NFATC1: variants seen among roughly 807,000 people sequenced by gnomAD.
NFATC1 encodes the protein nuclear factor of activated T-cells, cytoplasmic 1.
A neutral mutation model predicts 76.0 loss-of-function variants in NFATC1; 22 were observed. The observed-to-expected ratio is 0.29, with a 90% CI of 0.21 to 0.41. The LOEUF (loss-of-function observed/expected upper bound fraction) is 0.41. NFATC1 is among the 10% of genes least tolerant of loss of function. The probability of loss-of-function intolerance (pLI) is 1.00; values close to 1 mark genes in which losing one functional copy is unlikely to be tolerated. For synonymous variants in NFATC1, 704 were observed against 613.1 expected, an observed-to-expected ratio of 1.15 and a Z score of -2.19; for missense variants, 1,357 against 1,337.7, an observed-to-expected ratio of 1.01 and a Z score of -0.23.
At chr18:79,439,680 G>C (rs749917448) in intron 3 of NFATC1, among the ~76,000 whole-genome samples, 4 of 152,228 alleles carry the variant, frequency 2.6e-5, no homozygotes, top group Non-Finnish European at 5.9e-5. Context: ...GGCTGTGTCT[G>C]TTTTCCCAGG....
At chr18:79,475,550 A>G (rs939697522) in intron 8 of NFATC1, among the ~76,000 whole-genome samples, 9 of 150,132 alleles carry the variant, frequency 6.0e-5, no homozygotes, top group African/African-American at 2.2e-4. Context: ...ACCTGAGTGA[A>G]GTGTGTTCTC....
At chr18:79,456,460 C>T (rs1460858010) in intron 6 of NFATC1, among the ~76,000 whole-genome samples, 1 of 152,334 alleles carries the variant, frequency 6.6e-6, no homozygotes, top group Non-Finnish European at 1.5e-5. Context: ...GCGGAAGCCC[C>T]GAGGCCCCTG....
intron 2 of NFATC1, among the ~76,000 whole-genome samples, chr18:79,416,056 C>T (rs750408539): frequency 2.0e-4 from 31 of 152,350 alleles, no homozygotes; most frequent in Non-Finnish European, 4.6e-4. Flanking sequence ...GAGCGAGACT[C>T]CGTCTCCAAA....
chr18:79,473,038 G>A (rs754114036), intron 8 of NFATC1, among the ~76,000 whole-genome samples: 15 of 152,218 alleles, frequency 9.9e-5, no homozygotes, highest in Non-Finnish European at 1.9e-4. Context: ...GGGTCAAGCC[G>A]GGACCCCTAC....
At chr18:79,399,982 TAAA>T (rs201423108) in intron 1 of NFATC1, among the ~76,000 whole-genome samples, 1 of 149,196 alleles carries the variant, frequency 6.7e-6, no homozygotes, top group Non-Finnish European at 1.5e-5. Flanking sequence ...AAAAAAAACT[TAAA>T]AAAAAAATTC....
At chr18:79,408,766 TATGCATCC>T (rs2085528243) in intron 1 of NFATC1, among the ~76,000 whole-genome samples, 1 of 152,082 alleles carries the variant, frequency 6.6e-6, no homozygotes, top group Non-Finnish European at 1.5e-5. Flanking sequence ...CTCCATTCCC[TATGCATCC>T]ATGCATCATC....
rs552409580 is a variant in NFATC1, at chr18:79,502,713, C to G, written c.2782+15776C>G. ...AAGACATAGGAATGGATAATAAACA[C>G]ATGAAAAAATACTCCACATCACTAG... On this transcript the variant is annotated intron_variant, in intron 9 of 9. Transcript: ENST00000427363. Among the ~76,000 whole-genome samples the G allele has an allele frequency of 7.9e-5, 12 of 152,230 alleles. No individual in the cohort carries two copies. The East Asian group carries it at 2.3e-3, about 29-fold the overall frequency.
At chr18:79,473,885 TCACA>T (rs1417298328) in intron 8 of NFATC1, among the ~76,000 whole-genome samples, 1 of 146,846 alleles carries the variant, frequency 6.8e-6, no homozygotes, top group African/African-American at 2.6e-5. Flanking sequence ...AAGCGTGTTC[TCACA>T]CTCACTGTCG....
In NFATC1 at chr18:79,433,287, A is replaced by G. The variant is rs138117720; in HGVS notation, c.1227-292A>G. Among the ~76,000 whole-genome samples, 598 of 152,322 alleles carry G rather than the reference A, an allele frequency of 3.9e-3. 5 individuals are homozygous for G. The highest frequency in any genetic ancestry group is 0.013 in the African/African-American group (530 of 41,570). Reference sequence around the variant, plus strand: ...TTAAAACAGATTTTCAATGAGTTCTAAAACCTGTCTTACTGGAGGGTTAAG... The same window carrying G: ...TTAAAACAGATTTTCAATGAGTTCTGAAACCTGTCTTACTGGAGGGTTAAG... On this transcript the variant is annotated intron_variant, in intron 2 of 9. Transcript: ENST00000427363.
intron 8 of NFATC1, among the ~76,000 whole-genome samples, chr18:79,476,255 C>T (rs975833100): frequency 4.6e-5 from 7 of 152,238 alleles, no homozygotes; most frequent in East Asian, 1.9e-4. Flanking sequence ...CTCCGGGCGG[C>T]GTCGGCCATG....
chr18:79,431,610 C>T (rs1241765837), intron 2 of NFATC1, among the ~76,000 whole-genome samples: 12 of 151,126 alleles, frequency 7.9e-5, no homozygotes, highest in African/African-American at 2.7e-4. Context: ...AGGCTGGTCT[C>T]GAACTCCTGA....
chr18:79,411,025 C>T lies in NFATC1; in HGVS notation c.750C>T (p.Ser250=), dbSNP rs2085655219. 3.7e-6 allele frequency: 6 copies of T among 1,611,712 alleles called. No homozygotes were observed. The highest frequency in any genetic ancestry group is 4.2e-6 in the Non-Finnish European group (5 of 1,179,506). ...TSPRASVTEE[S]WLGARSSRPA... is the part of the protein sequence containing the mutation. Reference sequence around the variant, plus strand: ...CCCGCGCCAGCGTCACTGAGGAGAGCTGGCTGGGTGCCCGCTCCTCCAGAC... The same window carrying T: ...CCCGCGCCAGCGTCACTGAGGAGAGTTGGCTGGGTGCCCGCTCCTCCAGAC... Residue 250 remains serine, a synonymous_variant, in exon 2 of 10, where the codon AGC becomes AGT. Transcript: ENST00000427363.
intron 7 of NFATC1, among the ~76,000 whole-genome samples, chr18:79,462,925 G>A (rs1391127177): frequency 6.6e-6 from 1 of 152,200 alleles, no homozygotes; most frequent in African/African-American, 2.4e-5. Flanking sequence ...GAGGCAGGTG[G>A]ACAGGACACC....
chr18:79,487,448 G>A (rs886228379), intron 9 of NFATC1, among the ~76,000 whole-genome samples: 1 of 152,248 alleles, frequency 6.6e-6, no homozygotes, highest in Non-Finnish European at 1.5e-5. Flanking sequence ...CCAGGAGCTC[G>A]CAGGGTGGCC....
At chr18:79,512,262 C>T (rs2090272615) in intron 9 of NFATC1, among the ~76,000 whole-genome samples, 1 of 152,170 alleles carries the variant, frequency 6.6e-6, no homozygotes, top group Admixed American at 6.5e-5. Context: ...AACTGCGCCA[C>T]AGGCACTGCC....
At chr18:79,440,831 A>G (rs1244205416) in intron 3 of NFATC1, among the ~76,000 whole-genome samples, 3 of 152,206 alleles carry the variant, frequency 2.0e-5, no homozygotes, top group Non-Finnish European at 4.4e-5. Context: ...TTCTCTGAGG[A>G]GCTGCTGGGC....
intron 3 of NFATC1, among the ~76,000 whole-genome samples, chr18:79,438,302 G>T (rs949263836): frequency 6.6e-6 from 1 of 152,206 alleles, no homozygotes; most frequent in East Asian, 1.9e-4. Context: ...TCCACTGCTC[G>T]TGGCAGCTAC....
intron 6 of NFATC1, among the ~76,000 whole-genome samples, chr18:79,457,390 G>T (rs539082318): frequency 1.3e-5 from 2 of 152,142 alleles, no homozygotes; most frequent in East Asian, 3.9e-4. Flanking sequence ...GACTCCCCCT[G>T]CCTGGGCCCC....
intron 6 of NFATC1, among the ~76,000 whole-genome samples, chr18:79,458,464 G>A (rs554566315): frequency 6.6e-6 from 1 of 152,326 alleles, no homozygotes; most frequent in East Asian, 1.9e-4. Flanking sequence ...GCACCGGCGT[G>A]GGGGTGGCCC....
Sources: allele counts gnomAD v4.1 joint callset (sites outside exome capture counted in the v4.1 genomes callset), GRCh38; gene constraint gnomAD v4.1.1; transcripts MANE v1.5; gene names NCBI Gene and HGNC (gene_info 2026-07-23, HGNC 2026-07-21).